Variants in NUP188 observed in about 807,000 individuals in gnomAD.
NUP188 encodes nucleoporin 188.
In NUP188, 97 loss-of-function variants were observed where a neutral mutation model predicts 223.0. The ratio of observed to expected loss-of-function variants is 0.43; its 90% CI spans 0.37 to 0.51. The LOEUF is 0.51. Among genes scored for constraint, NUP188 ranks in the 20% least tolerant of loss-of-function variants. The pLI is 0.00. For missense variants in NUP188, 1,947 were observed against 2,175.6 expected (o/e 0.89, Z 2.09); for synonymous variants, 869 against 828.0 (o/e 1.05, Z -0.85).
At chr9:128,978,868 A>G (rs945351980) in intron 12 of NUP188, among the ~76,000 whole-genome samples, 1 of 151,808 alleles carries the variant, frequency 6.6e-6, no homozygotes, top group Admixed American at 6.6e-5. Context: ...GCGCCACCAC[A>G]CCTGGCTAAC....
intron 11 of NUP188, among the ~76,000 whole-genome samples, chr9:128,971,315 A>G (rs1037228554): frequency 2.0e-5 from 3 of 152,222 alleles, no homozygotes; most frequent in Admixed American, 1.3e-4. Context: ...TGACTGGAGA[A>G]GTCACTTTCA....
intron 14 of NUP188, 63 bp downstream of exon 14, chr9:128,980,788 A>C: frequency 1.3e-6 from 2 of 1,565,406 alleles, no homozygotes; most frequent in Non-Finnish European, 1.7e-6. Flanking sequence ...TTTATTAGGA[A>C]TCTTTTTTGC....
rs368276016 is a variant in NUP188 at position 128,986,538 on chromosome 9, C to T, written c.2077-20C>T. On this transcript the variant is annotated intron_variant, in intron 20 of 43. Coordinates refer to ENST00000372577, the MANE Select transcript of NUP188 (RefSeq NM_015354.3). ...TTTTCCTTAAATGTGCGGAAGTCCTCACTGCATGGTTTCTTGTAGGGGCAA... is the reference window on the plus strand; with the variant it reads ...TTTTCCTTAAATGTGCGGAAGTCCTTACTGCATGGTTTCTTGTAGGGGCAA... The T allele has an allele frequency of 1.1e-5, 18 of 1,608,104 alleles. No individual in the cohort carries two copies. The African/African-American group carries it at 2.3e-4, about 20-fold the overall frequency.
intron 2 of NUP188, among the ~76,000 whole-genome samples, 191 bp from the exon 3 acceptor site, chr9:128,952,582 G>T (rs1334882622): frequency 6.6e-6 from 1 of 151,896 alleles, no homozygotes; most frequent in Non-Finnish European, 1.5e-5. Context: ...AATTAGCTGG[G>T]TGTGGTGGCT....
rs201805341 is a variant in NUP188, at chr9:129,001,577, G to A, written c.3892G>A (p.Glu1298Lys). The part of the protein sequence containing the change: ...HLAKELCEVD[E>K]DGDSWLQVTR... The stretch of plus-strand genomic sequence containing the variant: ...GGCCAAGGAGCTGTGTGAGGTAGAC[G>A]AGGATGGTGACTCCTGGCTGCAGGT... Residue 1298 changes from glutamate to lysine, a missense_variant, in exon 35 of 44, where the codon GAG becomes AAG. By Grantham distance (56) the Glu-to-Lys change is moderately conservative. Transcript: ENST00000372577. The A allele has an allele frequency of 3.7e-5, 60 of 1,613,916 alleles. No homozygotes were observed. In the Middle Eastern group the frequency reaches 8.2e-4, roughly 22 times the overall value.
chr9:129,003,757 GCAGT>G, intron 38 of NUP188: 1 of 383,024 alleles, frequency 2.6e-6, no homozygotes, highest in South Asian at 2.2e-5. Flanking sequence ...ACTTTGGGAG[GCAGT>G]CAGGAGTTCG....
chr9:129,005,259 C>T (rs370934570), intron 39 of NUP188, 38 bp downstream of exon 39: 142 of 1,610,904 alleles, frequency 8.8e-5, no homozygotes, highest in Middle Eastern at 4.9e-4. Flanking sequence ...GAATACCTCA[C>T]GCTAGCTTCC....
At chr9:128,987,082 AGAGAGAGTGTGT>A (rs1312571637) in intron 22 of NUP188, among the ~76,000 whole-genome samples, 3 of 131,766 alleles carry the variant, frequency 2.3e-5, no homozygotes, top group African/African-American at 8.9e-5. Context: ...AGAGAGAGAG[AGAGAGAGTGTGT>A]GTGTGTGTGT....
At chr9:128,980,152 G>C (rs1025858340) in intron 13 of NUP188, among the ~76,000 whole-genome samples, 3 of 152,204 alleles carry the variant, frequency 2.0e-5, no homozygotes, top group African/African-American at 7.2e-5. Flanking sequence ...TCCAACTGAT[G>C]ATCTACCTGT....
chr9:129,006,693 GC>G lies in NUP188; in HGVS notation c.*18del. On this transcript the variant is annotated 3_prime_UTR_variant, in exon 44 of 44. Coordinates refer to ENST00000372577, the MANE Select transcript of NUP188 (RefSeq NM_015354.3). ...TGCAAAGATAGGGCAGTGCTGTTCT[GC>G]CCACCTACCCCTCTCCACCAGCCTA... The G allele has an allele frequency of 6.2e-7, 1 of 1,605,940 alleles. No individual in the cohort carries two copies.
chr9:128,961,886 C>T (rs1413122559), intron 8 of NUP188, among the ~76,000 whole-genome samples: 2 of 148,172 alleles, frequency 1.3e-5, no homozygotes, highest in Non-Finnish European at 3.0e-5. Flanking sequence ...CTCCAAAGCG[C>T]TGGGATTACA....
At chr9:128,949,021 G>T in intron 1 of NUP188, 168 bp from the exon 2 acceptor site, 1 of 532,932 alleles carries the variant, frequency 1.9e-6, no homozygotes, top group Non-Finnish European at 3.4e-6. Flanking sequence ...CACCGTGCCC[G>T]GCCCTAACAA....
At chr9:128,992,539 C>T (rs1388624679) in intron 25 of NUP188, among the ~76,000 whole-genome samples, 1 of 152,206 alleles carries the variant, frequency 6.6e-6, no homozygotes, top group East Asian at 1.9e-4. Context: ...GATACCATAT[C>T]AGGCAGTCTT....
At chr9:128,963,596 T>C (rs1841984597) in intron 8 of NUP188, among the ~76,000 whole-genome samples, 1 of 152,222 alleles carries the variant, frequency 6.6e-6, no homozygotes, top group South Asian at 2.1e-4. Flanking sequence ...AGAATTCTTT[T>C]TGTTTGACAT....
intron 8 of NUP188, among the ~76,000 whole-genome samples, chr9:128,966,215 T>C (rs1220046462): frequency 6.7e-6 from 1 of 150,162 alleles, no homozygotes; most frequent in Non-Finnish European, 1.5e-5. Flanking sequence ...GTATATGTTT[T>C]TTCTCCCTTT....
chr9:128,996,466 C>T (rs1262319902), intron 30 of NUP188, among the ~76,000 whole-genome samples: 1 of 152,116 alleles, frequency 6.6e-6, no homozygotes, highest in Non-Finnish European at 1.5e-5. Flanking sequence ...AATCTTTTGA[C>T]TTCATGAACA....
rs1029864250 is a variant in NUP188, at chr9:128,981,195, A to G, written c.1390-69A>G. The G allele has an allele frequency of 1.0e-5, 16 of 1,566,228 alleles. No individual in the cohort carries two copies. In the African/African-American group the frequency reaches 2.1e-4, roughly 20 times the overall value. ...AGAAGTTTGAGAGTCTGGTTGAAAGAGCAGACTGTGGGACCTCTCCTTGCT... is the reference window on the plus strand; with the variant it reads ...AGAAGTTTGAGAGTCTGGTTGAAAGGGCAGACTGTGGGACCTCTCCTTGCT... On this transcript the variant is annotated intron_variant, in intron 14 of 43. Transcript: ENST00000372577.
intron 11 of NUP188, 59 bp from the exon 12 acceptor site, chr9:128,973,101 C>A: frequency 1.9e-6 from 2 of 1,076,660 alleles, no homozygotes; most frequent in South Asian, 2.8e-5. Flanking sequence ...AGGATTATGC[C>A]GAACCTGGGG....
intron 20 of NUP188, among the ~76,000 whole-genome samples, chr9:128,985,849 G>C (rs1325908914): frequency 6.6e-6 from 1 of 152,170 alleles, no homozygotes; most frequent in African/African-American, 2.4e-5. Context: ...GACCAGCCTG[G>C]CCAACATGGT....
Sources: allele counts gnomAD v4.1 joint callset (sites outside exome capture counted in the v4.1 genomes callset), GRCh38; gene constraint gnomAD v4.1.1; transcripts MANE v1.5; gene names NCBI Gene and HGNC (gene_info 2026-07-23, HGNC 2026-07-21).